The following SNTG1 variants were observed in gnomAD, a reference collection of about 807,000 sequenced individuals.
SNTG1 encodes the protein syntrophin gamma 1, also known as gamma-1-syntrophin.
A neutral mutation model predicts 74.7 loss-of-function variants in SNTG1; 39 were observed. The observed-to-expected ratio is 0.52, with a 90% CI of 0.40 to 0.68. The LOEUF is 0.68. SNTG1 is among the 30% of genes least tolerant of loss of function. SNTG1 has a pLI of 0.00. For synonymous variants in SNTG1, 254 were observed against 217.1 expected (o/e 1.17, Z -1.49); for missense variants, 685 against 609.5 (o/e 1.12, Z -1.30).
chr8:50,761,872 T>C (rs377021038), intron 18 of SNTG1, among the ~76,000 whole-genome samples: 1 of 151,960 alleles, frequency 6.6e-6, no homozygotes, highest in African/African-American at 2.4e-5. Flanking sequence ...CATGTGACCT[T>C]ACAGATCAAT....
intron 13 of SNTG1, among the ~76,000 whole-genome samples, chr8:50,619,022 A>G (rs2094903383): frequency 1.3e-5 from 2 of 152,172 alleles, no homozygotes; most frequent in Non-Finnish European, 1.5e-5. Context: ...TCTTGTGCAT[A>G]TGGCTGTTTA....
intron 1 of SNTG1, among the ~76,000 whole-genome samples, chr8:50,115,424 A>AATACAG (rs1292784158): frequency 1.3e-5 from 2 of 151,550 alleles, no homozygotes; most frequent in African/African-American, 4.8e-5. Flanking sequence ...AAATTAGCCG[A>AATACAG]GCATCATGTC....
At chr8:50,505,622 T>C (rs1375190220) in intron 9 of SNTG1, among the ~76,000 whole-genome samples, 1 of 152,162 alleles carries the variant, frequency 6.6e-6, no homozygotes, top group Non-Finnish European at 1.5e-5. Flanking sequence ...TAAGCGTCTT[T>C]TCACATATTT....
At chr8:50,787,364 T>C (rs1045729402) in intron 18 of SNTG1, among the ~76,000 whole-genome samples, 1 of 152,024 alleles carries the variant, frequency 6.6e-6, no homozygotes, top group East Asian at 1.9e-4. Flanking sequence ...AGTGAGGATG[T>C]AGAGAAATTG....
intron 2 of SNTG1, among the ~76,000 whole-genome samples, chr8:50,367,417 G>A (rs1332364347): frequency 6.6e-6 from 1 of 152,000 alleles, no homozygotes; most frequent in Non-Finnish European, 1.5e-5. Flanking sequence ...ATGCTGAATT[G>A]CAGCCACTAA....
rs11996964 is a variant in SNTG1, at chr8:50,350,247, C to A, written c.-27-43965C>A. 2.0e-3 allele frequency among the ~76,000 whole-genome samples: 297 copies of A among 152,166 alleles called. 5 individuals carry two copies. Among genetic ancestry groups the A allele is most frequent in the Middle Eastern group, 3.4e-3 (1 of 290 alleles). On this transcript the variant is annotated intron_variant, in intron 2 of 18. Transcript: ENST00000642720. ...CAGCCCGAGCCTCCCTGACGAGTGC[C>A]GCCCCCTGCTCCACCGGAGCCCAGT...
chr8:50,699,841 T>C (rs1180780538), intron 15 of SNTG1, among the ~76,000 whole-genome samples: 1 of 148,730 alleles, frequency 6.7e-6, no homozygotes, highest in African/African-American at 2.5e-5. Context: ...ATTGAATCAA[T>C]ACTGACAACA....
chr8:50,069,674 C>T (rs1475052943), intron 1 of SNTG1, among the ~76,000 whole-genome samples: 1 of 119,640 alleles, frequency 8.4e-6, no homozygotes, highest in Non-Finnish European at 1.6e-5. Flanking sequence ...ATACCTTTTC[C>T]TTTTAAAACC....
intron 1 of SNTG1, among the ~76,000 whole-genome samples, chr8:50,161,394 G>C (rs2082411338): frequency 6.6e-6 from 1 of 152,192 alleles, no homozygotes; most frequent in South Asian, 2.1e-4. Flanking sequence ...TGATTGTATA[G>C]GGCCAAAGTG....
At chr8:50,168,465 T>C (rs2082699093) in intron 1 of SNTG1, among the ~76,000 whole-genome samples, 1 of 152,056 alleles carries the variant, frequency 6.6e-6, no homozygotes, top group Non-Finnish European at 1.5e-5. Flanking sequence ...ATAAACAGAG[T>C]ATACATTATA....
chr8:50,309,026 C>G (rs2090007994), intron 2 of SNTG1, among the ~76,000 whole-genome samples: 1 of 152,062 alleles, frequency 6.6e-6, no homozygotes, highest in South Asian at 2.1e-4. Context: ...AATGTGTCTT[C>G]CCAAATTCTA....
At chr8:50,085,727 A>T (rs896155783) in intron 1 of SNTG1, among the ~76,000 whole-genome samples, 2 of 152,212 alleles carry the variant, frequency 1.3e-5, no homozygotes, top group African/African-American at 4.8e-5. Flanking sequence ...TCATCTGATT[A>T]GCTCATTAAT....
intron 2 of SNTG1, among the ~76,000 whole-genome samples, chr8:50,241,776 G>A (rs1440225774): frequency 6.6e-6 from 1 of 152,144 alleles, no homozygotes; most frequent in East Asian, 1.9e-4. Flanking sequence ...TGCCAGATGG[G>A]ATGATAATGA....
At chr8:50,010,674 A>T (rs1039318478) in intron 1 of SNTG1, among the ~76,000 whole-genome samples, 1 of 152,082 alleles carries the variant, frequency 6.6e-6, no homozygotes, top group South Asian at 2.1e-4. Context: ...GATTAAAAAA[A>T]AATTCTTACT....
intron 2 of SNTG1, among the ~76,000 whole-genome samples, chr8:50,386,917 CT>C (rs1563316760): frequency 5.3e-5 from 8 of 152,142 alleles, no homozygotes; most frequent in Non-Finnish European, 1.2e-4. Context: ...ATGCAAGGGG[CT>C]CTGGTTCTAC....
intron 2 of SNTG1, among the ~76,000 whole-genome samples, chr8:50,271,569 A>G (rs373931541): frequency 6.6e-6 from 1 of 152,174 alleles, no homozygotes; most frequent in East Asian, 1.9e-4. Flanking sequence ...TAGATTTCTT[A>G]TAACTATTGG....
intron 2 of SNTG1, among the ~76,000 whole-genome samples, chr8:50,263,487 C>G (rs2087300145): frequency 6.6e-6 from 1 of 151,798 alleles, no homozygotes; most frequent in African/African-American, 2.4e-5. Flanking sequence ...AACTTAGATT[C>G]AAAGACACAC....
intron 8 of SNTG1, among the ~76,000 whole-genome samples, chr8:50,469,410 C>G (rs986880028): frequency 6.6e-6 from 1 of 152,154 alleles, no homozygotes; most frequent in Non-Finnish European, 1.5e-5. Context: ...GGGTTCCATA[C>G]TGCAGTCAGG....
chr8:50,065,964 C>A (rs867598911), intron 1 of SNTG1, among the ~76,000 whole-genome samples: 3 of 152,308 alleles, frequency 2.0e-5, no homozygotes, highest in Middle Eastern at 3.4e-3. Flanking sequence ...CGCCTGTAAT[C>A]CCACCACTTT....
Sources: gnomAD v4.1 joint callset for allele counts (sites outside exome capture counted in the v4.1 genomes callset) on GRCh38, gnomAD v4.1.1 for gene constraint, MANE v1.5 for transcripts, NCBI Gene and HGNC (gene_info 2026-07-23, HGNC 2026-07-21) for gene names.